Variants in NAV1 observed in about 807,000 individuals in gnomAD.
NAV1 encodes the protein neuron navigator 1, also known as pore membrane and/or filament interacting like protein 3.
In NAV1, 18 loss-of-function variants were observed where a neutral mutation model predicts 175.2. The observed-to-expected ratio is 0.10, with a 90% CI of 0.07 to 0.15. The LOEUF is 0.15. Ranked by LOEUF, NAV1 falls within the 10% of genes least tolerant of loss-of-function variation. NAV1 has a pLI of 1.00. For missense variants in NAV1, 1,731 were observed against 2,436.6 expected (o/e 0.71, Z 6.10); for synonymous variants, 897 against 978.7 (o/e 0.92, Z 1.56).
chr1:201,809,806 T>C (rs1369479239), intron 22 of NAV1, 140 bp from the exon 27 acceptor site: 12 of 895,356 alleles, frequency 1.3e-5, no homozygotes, highest in African/African-American at 1.2e-4. Context: ...TGAGGCTTTA[T>C]GGAGAAATGC....
chr1:201,658,375 G>A (rs766748289), intron 1 of NAV1, among the ~76,000 whole-genome samples: 3 of 152,138 alleles, frequency 2.0e-5, no homozygotes, highest in Non-Finnish European at 4.4e-5. Flanking sequence ...CAGTGCATAG[G>A]GTGTGTGGGG....
intron 3 of NAV1, among the ~76,000 whole-genome samples, chr1:201,779,971 A>C (rs1215398975): frequency 6.6e-6 from 1 of 152,324 alleles, no homozygotes; most frequent in East Asian, 1.9e-4. Context: ...GTTCTAGAAA[A>C]GAGAAATCTT....
At chr1:201,803,793 T>G (rs1678098985) in intron 16 of NAV1, 79 bp downstream of exon 20, 2 of 1,535,802 alleles carry the variant, frequency 1.3e-6, no homozygotes, top group African/African-American at 1.4e-5. Context: ...ATCGAATCCT[T>G]CCAGGATTAA....
intron 7 of NAV1, among the ~76,000 whole-genome samples, chr1:201,784,330 G>A (rs1387123711): frequency 6.6e-6 from 1 of 152,160 alleles, no homozygotes; most frequent in East Asian, 1.9e-4. Flanking sequence ...GCTAATTTTT[G>A]TATTTTTAGT....
chr1:201,581,221 T>A (rs1487970119), intron 1 of NAV1, among the ~76,000 whole-genome samples: 1 of 151,534 alleles, frequency 6.6e-6, no homozygotes, highest in East Asian at 1.9e-4. Flanking sequence ...ACGGTTCGAG[T>A]GAGGGTTGAA....
chr1:201,575,245 G>A (rs552456799), intron 1 of NAV1, among the ~76,000 whole-genome samples: 2 of 152,340 alleles, frequency 1.3e-5, no homozygotes, highest in South Asian at 4.1e-4. Context: ...GAGAGAGAGA[G>A]ATGTGTCTTC....
intron 1 of NAV1, among the ~76,000 whole-genome samples, chr1:201,670,380 C>CAA (rs58216500): frequency 0.021 from 252 of 12,170 alleles, 40 homozygotes; most frequent in African/African-American, 0.054. Context: ...GACTCCATCT[C>CAA]AAAAAAAAAA....
rs1192080155 is a variant in NAV1, at chr1:201,732,370, G to A, written c.1226+13615G>A. Among the ~76,000 whole-genome samples the A allele has an allele frequency of 3.3e-5, 5 of 152,120 alleles. No homozygotes were observed. The East Asian group carries it at 7.8e-4, about 24-fold the overall frequency. On this transcript the variant is annotated intron_variant, in intron 3 of 29. Transcript: ENST00000367296. The stretch of plus-strand genomic sequence containing the variant: ...TTTTTTTTAATTTTGGTAGAGGCAG[G>A]GTTTTACCATGCTGCCCAGGCGGGT...
chr1:201,785,421 A>G, intron 8 of NAV1, 70 bp downstream of exon 12: 3 of 1,488,896 alleles, frequency 2.0e-6, no homozygotes, highest in Non-Finnish European at 2.8e-6. Context: ...TCATATCTCA[A>G]CCTGTCCAAG....
At chr1:201,800,073 C>T (rs1243375226) in intron 15 of NAV1, among the ~76,000 whole-genome samples, 4 of 151,856 alleles carry the variant, frequency 2.6e-5, no homozygotes, top group Admixed American at 6.6e-5. Context: ...TATCGCAGCT[C>T]ACTGCAGCCT....
chr1:201,599,718 C>T (rs866445667), intron 2 of NAV1, among the ~76,000 whole-genome samples: 30 of 152,112 alleles, frequency 2.0e-4, no homozygotes, highest in Non-Finnish European at 2.6e-4. Context: ...TTCTCTTCAG[C>T]GCCACTCACG....
intron 3 of NAV1, chr1:201,724,054 A>G (rs548052147): frequency 6.6e-6 from 1 of 152,246 alleles, no homozygotes; most frequent in Non-Finnish European, 1.5e-5. Context: ...AGCTCTCAGG[A>G]CGTCAATGAC....
chr1:201,597,646 G>A (rs1667392258), intron 2 of NAV1, among the ~76,000 whole-genome samples: 1 of 152,254 alleles, frequency 6.6e-6, no homozygotes. Context: ...GCTCCACCAG[G>A]CTGAGGGCCA....
rs78803186 is a variant in NAV1 at position 201,566,778 on chromosome 1, G to T, written c.-143-21761G>T. Among the ~76,000 whole-genome samples, 1,179 of 150,892 alleles carry T rather than the reference G, an allele frequency of 7.8e-3. 16 individuals carry two copies. The highest frequency in any genetic ancestry group is 0.027 in the African/African-American group (1,123 of 41,150). ...ATCCCCCACTCCAGAAGCAAACACT[G>T]TTAACATTTCCTTCTAGGTTGTTTT... is the stretch of plus-strand genomic sequence containing the variant. On this transcript the variant is annotated intron_variant, in intron 1 of 33. Transcript: ENST00000685211.
Position 201,734,499 on chromosome 1 carries a change from G to GAGAAGAAGGAGAAGAAGAAGAAGA in NAV1, c.1226+15752_1226+15753insGAGAAGAAGAAGAAGAAGAAGAAG, listed in dbSNP as rs1673018952. On this transcript the variant is annotated intron_variant, in intron 3 of 29. Coordinates refer to ENST00000367296, the Ensembl canonical transcript of NAV1. ...GAGGAGGAGGAGGAAGAAGGAGAAG[G>GAGAAGAAGGAGAAGAAGAAGAAGA]AGAAGAAGAAGAAGAAGAAGAAGAA... Among the ~76,000 whole-genome samples, 2 of 121,060 alleles carry GAGAAGAAGGAGAAGAAGAAGAAGA rather than the reference G, an allele frequency of 1.7e-5. 1 individual carries two copies. Among genetic ancestry groups the GAGAAGAAGGAGAAGAAGAAGAAGA allele is most frequent in the Non-Finnish European group, 3.7e-5 (2 of 54,378 alleles). 79.4% of individuals were successfully genotyped at this position (121,060 alleles called of 152,430 possible). A position where few individuals can be genotyped will look rare whatever the true frequency, so the allele number is the denominator to read the frequency against.
chr1:201,780,178 TACA>T (rs1676224409), intron 3 of NAV1, among the ~76,000 whole-genome samples: 1 of 152,204 alleles, frequency 6.6e-6, no homozygotes, highest in African/African-American at 2.4e-5. Flanking sequence ...GTTAAGAAGA[TACA>T]ACGTTTTCTC....
intron 13 of NAV1, chr1:201,791,812 G>T (rs1189893244): frequency 6.6e-6 from 1 of 152,110 alleles, no homozygotes; most frequent in Non-Finnish European, 1.5e-5. Flanking sequence ...GTACCAGTTT[G>T]TTTGAAGCTC....
chr1:201,678,768 T>C (rs1670356398), intron 1 of NAV1, among the ~76,000 whole-genome samples: 1 of 151,878 alleles, frequency 6.6e-6, no homozygotes, highest in African/African-American at 2.4e-5. Context: ...CCCCACAAGC[T>C]CAAACTCAAG....
At chr1:201,682,092 G>T (rs1670487672) in intron 1 of NAV1, among the ~76,000 whole-genome samples, 1 of 149,560 alleles carries the variant, frequency 6.7e-6, no homozygotes, top group Admixed American at 6.7e-5. Flanking sequence ...CTCCAGCCTG[G>T]GTGACAGAGT....
Sources: allele counts gnomAD v4.1 joint callset (sites outside exome capture counted in the v4.1 genomes callset), GRCh38; gene constraint gnomAD v4.1.1; transcripts MANE v1.5; gene names NCBI Gene and HGNC (gene_info 2026-07-23, HGNC 2026-07-21).